ELMO1: variants seen among roughly 807,000 people sequenced by gnomAD.
ELMO1 encodes the protein engulfment and cell motility protein 1.
ELMO1 carries 26 observed loss-of-function variants against 98.9 expected under a neutral mutation model. The ratio of observed to expected loss-of-function variants is 0.26; its 90% confidence interval spans 0.19 to 0.36. The LOEUF is 0.36. Ranked by LOEUF, ELMO1 falls within the 10% of genes least tolerant of loss-of-function variation. ELMO1 has a pLI of 1.00. For synonymous variants in ELMO1, 346 were observed against 346.0 expected, an observed-to-expected ratio of 1.00 and a Z score of 0.00; for missense variants, 627 against 935.2, an observed-to-expected ratio of 0.67 and a Z score of 4.30.
At chr7:37,001,157 A>G (rs189245393) in intron 16 of ELMO1, among the ~76,000 whole-genome samples, 2 of 152,218 alleles carry the variant, frequency 1.3e-5, no homozygotes, top group African/African-American at 4.8e-5. Flanking sequence ...GAGTATTAGC[A>G]TCTGAAGAGA....
chr7:37,447,995 C>T (rs1805714090), intron 1 of ELMO1, among the ~76,000 whole-genome samples: 1 of 152,034 alleles, frequency 6.6e-6, no homozygotes, highest in African/African-American at 2.4e-5. Context: ...TCCCCGCCGC[C>T]TCTCTCGGTC....
intron 16 of ELMO1, among the ~76,000 whole-genome samples, chr7:36,989,732 T>C (rs1791747063): frequency 6.6e-6 from 1 of 152,150 alleles, no homozygotes; most frequent in South Asian, 2.1e-4. Context: ...TGGTGCTTGG[T>C]AGTTATCCTA....
intron 7 of ELMO1, among the ~76,000 whole-genome samples, chr7:37,236,422 G>T (rs1270930851): frequency 6.6e-6 from 1 of 152,140 alleles, no homozygotes; most frequent in Non-Finnish European, 1.5e-5. Flanking sequence ...TGAGAGTAAA[G>T]CTTTTTCACA....
At chr7:37,299,546 TTTCTCAG>T (rs1470881942) in intron 4 of ELMO1, among the ~76,000 whole-genome samples, 2 of 56,424 alleles carry the variant, frequency 3.5e-5, no homozygotes, top group African/African-American at 1.1e-4. Flanking sequence ...CCCCATTTCT[TTTCTCAG>T]GTTTGTCAAA....
intron 13 of ELMO1, among the ~76,000 whole-genome samples, chr7:37,136,787 A>G (rs1408305555): frequency 2.6e-5 from 4 of 152,204 alleles, no homozygotes; most frequent in East Asian, 3.8e-4. Flanking sequence ...CTTAAAGCAT[A>G]TATCTCAGAG....
intron 15 of ELMO1, among the ~76,000 whole-genome samples, chr7:37,024,180 T>A (rs544671303): frequency 6.6e-6 from 1 of 152,292 alleles, no homozygotes; most frequent in South Asian, 2.1e-4. Flanking sequence ...GTCACGAGCA[T>A]GGCCCTGGAG....
At chr7:37,400,491 C>A (rs555325661) in intron 1 of ELMO1, among the ~76,000 whole-genome samples, 2 of 152,180 alleles carry the variant, frequency 1.3e-5, no homozygotes, top group African/African-American at 4.8e-5. Context: ...ATGCAAATTA[C>A]AAAGCATTTT....
At position 37,364,035 on chromosome 7, in the gene ELMO1, C is replaced by A. The variant is rs186373476; in HGVS notation, c.-73-21272G>T. On this transcript the variant is annotated intron_variant, in intron 1 of 21. Coordinates refer to ENST00000310758, the MANE Select transcript of ELMO1 (RefSeq NM_014800.11). ...CAGGAATCCCTCTCTCAATTCATTT[C>A]TGACTAACACTCTGCCAGGGCCTTA... is the stretch of plus-strand genomic sequence containing the variant. 4.1e-3 allele frequency among the ~76,000 whole-genome samples: 623 copies of A among 152,298 alleles called. 7 individuals carry two copies. The highest frequency in any genetic ancestry group is 0.014 in the African/African-American group (602 of 41,558).
intron 13 of ELMO1, among the ~76,000 whole-genome samples, chr7:37,184,307 G>A (rs1422170274): frequency 6.6e-6 from 1 of 152,182 alleles, no homozygotes; most frequent in Non-Finnish European, 1.5e-5. Context: ...TGGTCTTAGT[G>A]AGATCTTCTG....
At chr7:37,352,696 C>T (rs1801326819) in intron 1 of ELMO1, among the ~76,000 whole-genome samples, 1 of 152,164 alleles carries the variant, frequency 6.6e-6, no homozygotes, top group African/African-American at 2.4e-5. Flanking sequence ...TCACCACCTG[C>T]ATCTATGGGC....
intron 14 of ELMO1, among the ~76,000 whole-genome samples, chr7:37,116,322 G>C (rs888216665): frequency 6.6e-6 from 1 of 152,144 alleles, no homozygotes; most frequent in African/African-American, 2.4e-5. Flanking sequence ...GAAAGAAAGA[G>C]GGCTTGTCAC....
At chr7:37,412,048 A>G (rs1562674530) in intron 1 of ELMO1, among the ~76,000 whole-genome samples, 1 of 152,192 alleles carries the variant, frequency 6.6e-6, no homozygotes, top group African/African-American at 2.4e-5. Flanking sequence ...ACACAAAAAC[A>G]CACACACACA....
chr7:36,887,808 T>C, intron 17 of ELMO1, 136 bp from the exon 18 acceptor site: 2 of 692,572 alleles, frequency 2.9e-6, no homozygotes, highest in Non-Finnish European at 4.9e-6. Context: ...CTTGGTGCTT[T>C]AGAGAAGTGT....
At chr7:37,169,770 C>T (rs957827644) in intron 13 of ELMO1, among the ~76,000 whole-genome samples, 1 of 152,190 alleles carries the variant, frequency 6.6e-6, no homozygotes, top group African/African-American at 2.4e-5. Context: ...CACTTAGGAA[C>T]CAACAGGAAG....
chr7:37,193,598 C>A (rs944135239), intron 13 of ELMO1, among the ~76,000 whole-genome samples: 1 of 152,018 alleles, frequency 6.6e-6, no homozygotes, highest in African/African-American at 2.4e-5. Flanking sequence ...CAGCCTTCCG[C>A]AGCACACTCA....
chr7:37,182,028 A>AC (rs1790894732), intron 13 of ELMO1, among the ~76,000 whole-genome samples: 2 of 150,908 alleles, frequency 1.3e-5, no homozygotes. Flanking sequence ...AATAAGAAAA[A>AC]AAAAATTAAA....
intron 2 of ELMO1, among the ~76,000 whole-genome samples, chr7:37,317,818 A>G (rs1390231604): frequency 6.6e-6 from 1 of 152,206 alleles, no homozygotes; most frequent in Non-Finnish European, 1.5e-5. Context: ...AATAACTAAA[A>G]CGGTATAACT....
chr7:37,217,988 G>A (rs551743871), intron 10 of ELMO1, among the ~76,000 whole-genome samples: 4 of 152,156 alleles, frequency 2.6e-5, no homozygotes, highest in Non-Finnish European at 5.9e-5. Flanking sequence ...GAGCAATGAC[G>A]CATTGAGAAA....
intron 16 of ELMO1, among the ~76,000 whole-genome samples, chr7:36,917,147 T>C (rs1315176990): frequency 6.6e-6 from 1 of 152,254 alleles, no homozygotes; most frequent in African/African-American, 2.4e-5. Context: ...ATTTAATTTA[T>C]TAACAGGTAA....
Sources: gnomAD v4.1 joint callset for allele counts (sites outside exome capture counted in the v4.1 genomes callset) on GRCh38, gnomAD v4.1.1 for gene constraint, MANE v1.5 for transcripts, NCBI Gene and HGNC (gene_info 2026-07-23, HGNC 2026-07-21) for gene names.